Variants in GDAP1 observed in about 807,000 individuals in gnomAD.
The protein encoded by GDAP1 is ganglioside induced differentiation associated protein 1.
GDAP1 carries 34 observed loss-of-function variants against 40.1 expected under a neutral mutation model. The ratio of observed to expected loss-of-function variants is 0.85; its 90% CI spans 0.64 to 1.13. The LOEUF is 1.13. GDAP1 is among the 50% of genes most tolerant of loss of function. The probability of loss-of-function intolerance (pLI) is 0.00; values close to 1 mark genes in which losing one functional copy is unlikely to be tolerated. For missense variants in GDAP1, 374 were observed against 433.7 expected (o/e 0.86, Z 1.22); for synonymous variants, 170 against 157.4 (o/e 1.08, Z -0.60).
At chr8:74,442,931 G>T (rs1337425881) in intron 2 of GDAP1, among the ~76,000 whole-genome samples, 1 of 152,174 alleles carries the variant, frequency 6.6e-6, no homozygotes, top group Non-Finnish European at 1.5e-5. Flanking sequence ...CATTCTTAAT[G>T]CATTCATTAT....
At chr8:74,468,486 C>T (rs1313804458) in intron 2 of GDAP1, among the ~76,000 whole-genome samples, 2 of 50,138 alleles carry the variant, frequency 4.0e-5, no homozygotes, top group African/African-American at 1.3e-4. Context: ...CATACACACA[C>T]ACACACACAC....
chr8:74,422,303 T>TTC (rs1388157461), intron 2 of GDAP1, among the ~76,000 whole-genome samples: 73 of 43,324 alleles, frequency 1.7e-3, no homozygotes, highest in Non-Finnish European at 2.4e-3. Flanking sequence ...CTTTCTTTCT[T>TTC]TCTTTCTTTC....
intron 5 of GDAP1, 117 bp downstream of exon 5, chr8:74,363,170 C>T: frequency 1.5e-6 from 1 of 664,932 alleles, no homozygotes; most frequent in Non-Finnish European, 2.7e-6. Flanking sequence ...TATTCACAGG[C>T]AGTTTTAATT....
At chr8:74,472,614 T>C (rs1274280445) in intron 2 of GDAP1, among the ~76,000 whole-genome samples, 2 of 152,226 alleles carry the variant, frequency 1.3e-5, no homozygotes, top group Non-Finnish European at 1.5e-5. Flanking sequence ...TTTTTGACTT[T>C]TTAATAATAG....
intron 2 of GDAP1, among the ~76,000 whole-genome samples, chr8:74,478,696 T>C (rs1806667703): frequency 6.6e-6 from 1 of 152,188 alleles, no homozygotes; most frequent in Non-Finnish European, 1.5e-5. Flanking sequence ...TGTGCTCCAC[T>C]GTAGCCACTC....
chr8:74,483,260 T>C (rs768782308), intron 2 of GDAP1, among the ~76,000 whole-genome samples: 1 of 152,096 alleles, frequency 6.6e-6, no homozygotes, highest in East Asian at 1.9e-4. Flanking sequence ...GTTTATATTC[T>C]TACAGAGGAA....
chr8:74,436,775 T>C (rs1422907935), intron 2 of GDAP1, among the ~76,000 whole-genome samples: 1 of 150,740 alleles, frequency 6.6e-6, no homozygotes, highest in Non-Finnish European at 1.5e-5. Flanking sequence ...AATAATTGTC[T>C]TTTTCCCGGC....
intron 2 of GDAP1, among the ~76,000 whole-genome samples, chr8:74,485,728 A>C (rs558630969): frequency 6.6e-6 from 1 of 152,124 alleles, no homozygotes; most frequent in African/African-American, 2.4e-5. Context: ...CAGAAGCAGG[A>C]ATATACATGG....
chr8:74,450,834 C>T (rs375736969), intron 2 of GDAP1, among the ~76,000 whole-genome samples: 6 of 60,072 alleles, frequency 1.0e-4, no homozygotes, highest in South Asian at 7.6e-4. Flanking sequence ...TATTTTTTTT[C>T]CTTTTTATGT....
chr8:74,413,717 C>CTT (rs79420778), intron 2 of GDAP1, among the ~76,000 whole-genome samples: 4 of 131,760 alleles, frequency 3.0e-5, no homozygotes, highest in East Asian at 2.1e-4. Context: ...AACTCCTAAG[C>CTT]TTTTTTTTTT....
chr8:74,433,592 C>A (rs984467573), intron 2 of GDAP1, among the ~76,000 whole-genome samples: 2 of 151,870 alleles, frequency 1.3e-5, no homozygotes, highest in Non-Finnish European at 2.9e-5. Context: ...AGGGAATTGT[C>A]TTTTTTTTAA....
rs1048926768 is a variant in GDAP1 at position 74,402,569 on chromosome 8, C to T, written c.165+51248C>T. Among the ~76,000 whole-genome samples the T allele has an allele frequency of 1.0e-4, 15 of 150,228 alleles. 1 individual carries two copies. The highest frequency in any genetic ancestry group is 2.6e-4 in the Admixed American group (4 of 15,260). ...ATGGTGCGCTGCACCCACTGTCCTG[C>T]GCCCACTTCTGGCACTCCCTAGTGA... On this transcript the variant is annotated intron_variant, in intron 2 of 2. Transcript: ENST00000523640.
chr8:74,378,401 G>C (rs1046899160), intron 2 of GDAP1, among the ~76,000 whole-genome samples: 7 of 152,166 alleles, frequency 4.6e-5, no homozygotes, highest in African/African-American at 1.7e-4. Flanking sequence ...GCTGGCCCCA[G>C]CCAGTCCCAC....
chr8:74,467,178 G>A (rs1232601606), intron 2 of GDAP1, among the ~76,000 whole-genome samples: 1 of 152,222 alleles, frequency 6.6e-6, no homozygotes, highest in African/African-American at 2.4e-5. Flanking sequence ...TAGAGAAGGA[G>A]TTGGAAGTTT....
At chr8:74,393,663 A>G (rs1249958291) in intron 2 of GDAP1, among the ~76,000 whole-genome samples, 1 of 152,226 alleles carries the variant, frequency 6.6e-6, no homozygotes, top group Non-Finnish European at 1.5e-5. Context: ...AATATATTGT[A>G]TGTTTAATTA....
At chr8:74,483,205 C>A (rs1324553204) in intron 2 of GDAP1, among the ~76,000 whole-genome samples, 1 of 152,016 alleles carries the variant, frequency 6.6e-6, no homozygotes, top group Non-Finnish European at 1.5e-5. Context: ...TGAGCTAAGG[C>A]CTTGAGGAAT....
At chr8:74,353,742 A>G (rs1157986361) in intron 2 of GDAP1, among the ~76,000 whole-genome samples, 1 of 152,234 alleles carries the variant, frequency 6.6e-6, no homozygotes, top group Admixed American at 6.5e-5. Context: ...TGTTTTAACA[A>G]GAGCCCCATG....
At position 74,409,593 on chromosome 8, in the gene GDAP1, TC is replaced by T. The variant is rs1312102146; in HGVS notation, c.165+58274del. Among the ~76,000 whole-genome samples the T allele has an allele frequency of 2.0e-5, 3 of 150,064 alleles. 1 individual carries two copies. The highest frequency in any genetic ancestry group is 5.1e-5 in the African/African-American group (2 of 39,402). ...GTGTTGAACTCCTGACTTCAAATGATCCACCTGCTTCAGCCTCCCAATGTTC... is the reference window on the plus strand; with the variant it reads ...GTGTTGAACTCCTGACTTCAAATGATCACCTGCTTCAGCCTCCCAATGTTC... On this transcript the variant is annotated intron_variant, in intron 2 of 2. Transcript: ENST00000523640.
chr8:74,448,545 A>G (rs1011529151), intron 2 of GDAP1, among the ~76,000 whole-genome samples: 4 of 152,114 alleles, frequency 2.6e-5, no homozygotes, highest in African/African-American at 4.8e-5. Flanking sequence ...CACTCTCCCT[A>G]GTAGTGAATG....
Sources: gnomAD v4.1 joint callset for allele counts (sites outside exome capture counted in the v4.1 genomes callset) on GRCh38, gnomAD v4.1.1 for gene constraint, MANE v1.5 for transcripts, NCBI Gene and HGNC (gene_info 2026-07-23, HGNC 2026-07-21) for gene names.